The following PDE4B variants were observed in gnomAD, a reference collection of about 807,000 sequenced individuals.
PDE4B encodes 3',5'-cyclic-AMP phosphodiesterase 4B.
PDE4B carries 20 observed loss-of-function variants against 82.2 expected under a neutral mutation model. The ratio of observed to expected loss-of-function variants is 0.24; its 90% confidence interval spans 0.17 to 0.35. The LOEUF (loss-of-function observed/expected upper bound fraction) is 0.35. PDE4B is among the 10% of genes least tolerant of loss of function. The pLI is 1.00. For synonymous variants in PDE4B, 320 were observed against 318.9 expected (o/e 1.00, Z -0.04); for missense variants, 655 against 907.2 (o/e 0.72, Z 3.57).
intron 3 of PDE4B, among the ~76,000 whole-genome samples, chr1:65,972,972 G>T (rs2503207): frequency 1.4e-4 from 22 of 152,066 alleles, no homozygotes; most frequent in African/African-American, 5.1e-4. Flanking sequence ...TTTTTTGATT[G>T]CATTTAGGTA....
At chr1:66,354,890 T>C in intron 8 of PDE4B, 1 of 1,535,550 alleles carries the variant, frequency 6.5e-7, no homozygotes, top group Non-Finnish European at 8.7e-7. Flanking sequence ...TGGGGTTACA[T>C]CAAGGTGGGT....
chr1:66,235,213 T>C (rs1448020391), intron 3 of PDE4B, among the ~76,000 whole-genome samples: 32 of 152,338 alleles, frequency 2.1e-4, no homozygotes, highest in Non-Finnish European at 1.5e-5. Context: ...CTTGAAAAAA[T>C]GTCTATCTTT....
At position 66,371,808 on chromosome 1, in the gene PDE4B, T is replaced by G. The variant is rs118000503; in HGVS notation, c.1846-505T>G. Among the ~76,000 whole-genome samples the G allele has an allele frequency of 5.2e-4, 79 of 152,330 alleles. 1 individual carries two copies. The East Asian group carries it at 0.014, about 28-fold the overall frequency. On this transcript the variant is annotated intron_variant, in intron 16 of 16. Transcript: ENST00000341517. ...TTTAAAGTTAACAAGGAAAAAATAT[T>G]GAGTCAAAACACGTTAGACCTGGGC... is the stretch of plus-strand genomic sequence containing the variant.
chr1:66,297,284 T>C (rs1367428371), intron 7 of PDE4B, among the ~76,000 whole-genome samples: 4 of 152,184 alleles, frequency 2.6e-5, no homozygotes, highest in Admixed American at 1.3e-4. Context: ...ATTTCATGAA[T>C]AGATGTTTGT....
chr1:66,087,897 T>C (rs1203922408), intron 3 of PDE4B, among the ~76,000 whole-genome samples: 8 of 145,398 alleles, frequency 5.5e-5, no homozygotes, highest in African/African-American at 1.3e-4. Context: ...AGGGATAGCA[T>C]TGGGAGATAT....
intron 1 of PDE4B, among the ~76,000 whole-genome samples, chr1:65,803,841 A>C (rs1347113335): frequency 6.6e-6 from 1 of 152,144 alleles, no homozygotes; most frequent in Non-Finnish European, 1.5e-5. Context: ...GCCAGCTTTT[A>C]TTTCTTGAAA....
intron 7 of PDE4B, among the ~76,000 whole-genome samples, chr1:66,294,642 C>A (rs1003256666): frequency 1.3e-5 from 2 of 151,990 alleles, no homozygotes; most frequent in Admixed American, 6.6e-5. Flanking sequence ...AAGTTTTTTT[C>A]TTGTCTATCT....
chr1:65,935,860 C>G (rs1480496256), intron 3 of PDE4B, among the ~76,000 whole-genome samples: 1 of 152,036 alleles, frequency 6.6e-6, no homozygotes, highest in Non-Finnish European at 1.5e-5. Context: ...TCACTTGAAC[C>G]TGGGAGGCGG....
At chr1:65,821,035 G>C (rs115611687) in intron 1 of PDE4B, among the ~76,000 whole-genome samples, 1 of 152,098 alleles carries the variant, frequency 6.6e-6, no homozygotes. Context: ...TTTTAATAAA[G>C]AATTTTACCA....
At chr1:66,234,737 A>G (rs1376537525) in intron 3 of PDE4B, among the ~76,000 whole-genome samples, 1 of 151,026 alleles carries the variant, frequency 6.6e-6, no homozygotes, top group Non-Finnish European at 1.5e-5. Flanking sequence ...TTTATTGATT[A>G]CTCAAAACCT....
chr1:66,333,770 A>T (rs540647350), intron 8 of PDE4B, among the ~76,000 whole-genome samples: 1 of 152,246 alleles, frequency 6.6e-6, no homozygotes, highest in South Asian at 2.1e-4. Flanking sequence ...GGAGATCCTG[A>T]AGGAGGGGAG....
intron 7 of PDE4B, among the ~76,000 whole-genome samples, chr1:66,326,734 A>G (rs891524900): frequency 6.6e-6 from 1 of 152,196 alleles, no homozygotes; most frequent in Admixed American, 6.5e-5. Context: ...ATATAGAGAT[A>G]TGTTGGAATA....
rs201782170 is a variant in PDE4B at position 66,354,895 on chromosome 1, G to T, written c.748-632G>T. The T allele has an allele frequency of 5.9e-6, 9 of 1,535,494 alleles. No individual in the cohort carries two copies. The East Asian group carries it at 2.2e-4, about 38-fold the overall frequency. Reference sequence around the variant, plus strand: ...ATCTGTATCTTGGGGTTACATCAAGGTGGGTTAATTTGATTGTGTTCTGTG... The same window carrying T: ...ATCTGTATCTTGGGGTTACATCAAGTTGGGTTAATTTGATTGTGTTCTGTG... On this transcript the variant is annotated intron_variant, in intron 8 of 16. Transcript: ENST00000341517.
At chr1:65,811,860 A>G (rs1175833612) in intron 1 of PDE4B, among the ~76,000 whole-genome samples, 1 of 152,156 alleles carries the variant, frequency 6.6e-6, no homozygotes, top group Non-Finnish European at 1.5e-5. Context: ...TCTGCCTAAG[A>G]CAACTTGAAA....
At chr1:66,158,195 C>G (rs1646538525) in intron 3 of PDE4B, among the ~76,000 whole-genome samples, 1 of 152,120 alleles carries the variant, frequency 6.6e-6, no homozygotes, top group South Asian at 2.1e-4. Flanking sequence ...AAAAGGGCAG[C>G]AGAGAAAACA....
chr1:65,818,046 T>A (rs1645906169), intron 1 of PDE4B, among the ~76,000 whole-genome samples: 1 of 152,152 alleles, frequency 6.6e-6, no homozygotes, highest in African/African-American at 2.4e-5. Context: ...CTGTTATTGA[T>A]TTTGCCCTCA....
At chr1:66,337,545 G>A (rs1292565869) in intron 8 of PDE4B, among the ~76,000 whole-genome samples, 1 of 152,212 alleles carries the variant, frequency 6.6e-6, no homozygotes. Context: ...GCTCACGACG[G>A]CTGCTCACAG....
chr1:66,091,925 C>T (rs1039797883), intron 3 of PDE4B, among the ~76,000 whole-genome samples: 1 of 152,008 alleles, frequency 6.6e-6, no homozygotes, highest in South Asian at 2.1e-4. Context: ...GGTGATATAT[C>T]TAATATCCAT....
intron 3 of PDE4B, among the ~76,000 whole-genome samples, chr1:65,977,674 A>G (rs1237579924): frequency 6.6e-6 from 1 of 152,188 alleles, no homozygotes; most frequent in Non-Finnish European, 1.5e-5. Context: ...TCTTCCATGA[A>G]CTGTTGTTAC....
Sources: gnomAD v4.1 joint callset for allele counts (sites outside exome capture counted in the v4.1 genomes callset) on GRCh38, gnomAD v4.1.1 for gene constraint, MANE v1.5 for transcripts, NCBI Gene and HGNC (gene_info 2026-07-23, HGNC 2026-07-21) for gene names.